The following SLC35F5 variants were observed in gnomAD, a reference collection of about 807,000 sequenced individuals.
SLC35F5 encodes solute carrier family 35 member F5.
A neutral mutation model predicts 68.6 loss-of-function variants in SLC35F5; 54 were observed. The ratio of observed to expected loss-of-function variants is 0.79; its 90% confidence interval spans 0.63 to 0.99. The LOEUF is 0.99. Ranked by LOEUF, SLC35F5 falls within the 50% of genes least tolerant of loss-of-function variation. The pLI, the probability that SLC35F5 is intolerant of heterozygous loss-of-function variation, is 0.00. For missense variants in SLC35F5, 567 were observed against 626.9 expected (o/e 0.90, Z 1.02); for synonymous variants, 211 against 205.2 (o/e 1.03, Z -0.24).
Position 113,717,867 on chromosome 2 carries a change from G to T in SLC35F5, c.1497-17C>A, listed in dbSNP as rs769477184. ...TCTGGAACTCTTAAGAAAAAAAAAA[G>T]CAGTAATTAAGGAAAGCTTTAGAGC... is the stretch of plus-strand genomic sequence containing the variant. On this transcript the variant is annotated splice_polypyrimidine_tract_variant and intron_variant, in intron 14 of 15. Coordinates refer to ENST00000245680, the MANE Select transcript of SLC35F5 (RefSeq NM_025181.5). 9.2e-6 allele frequency: 14 copies of T among 1,526,032 alleles called. No individual in the cohort carries two copies. Among genetic ancestry groups the T allele is most frequent in the Non-Finnish European group, 1.3e-5 (14 of 1,109,844 alleles). 94.5% of individuals were successfully genotyped at this position (1,526,032 alleles called of 1,614,324 possible).
chr2:113,747,284 CT>C (rs1676531192), intron 4 of SLC35F5, among the ~76,000 whole-genome samples: 1 of 110,176 alleles, frequency 9.1e-6, no homozygotes. Context: ...AAGATTCCGT[CT>C]CAAAAAAAAA....
intron 5 of SLC35F5, among the ~76,000 whole-genome samples, chr2:113,744,852 T>C (rs1676424554): frequency 6.6e-6 from 1 of 152,226 alleles, no homozygotes; most frequent in Non-Finnish European, 1.5e-5. Context: ...CTAACCATGC[T>C]CCAAAGGTCC....
At chr2:113,742,298 G>T in intron 7 of SLC35F5, 1 of 202,712 alleles carries the variant, frequency 4.9e-6, no homozygotes, top group Non-Finnish European at 9.9e-6. Flanking sequence ...ACACTTATTT[G>T]AAAAAAATCA....
rs1464336110 is a variant in SLC35F5, at chr2:113,717,804, T to C, written c.1543A>G (p.Ser515Gly). Reference sequence around the variant, plus strand: ...CTAGCTCCATCCTCCTGAGAAACACTGTGCATAGAAATGAGACTCTCACAC... The same window carrying C: ...CTAGCTCCATCCTCCTGAGAAACACCGTGCATAGAAATGAGACTCTCACAC... Reference protein sequence around the residue: ...EQCESLISMHSVSQEDGAS With the variant: ...EQCESLISMHGVSQEDGAS Residue 515 changes from serine to glycine, a missense_variant, in exon 15 of 16, where the codon AGT becomes GGT. Ser to Gly is a moderately conservative substitution (Grantham distance 56). Transcript: ENST00000245680. 9.3e-6 allele frequency: 15 copies of C among 1,613,388 alleles called. No homozygotes were observed. The highest frequency in any genetic ancestry group is 1.3e-5 in the Non-Finnish European group (15 of 1,179,768).
chr2:113,734,664 G>GT lies in SLC35F5; in HGVS notation c.841dup (p.Thr281AsnfsTer11). On this transcript the variant is annotated frameshift_variant, in exon 9 of 16. Coordinates refer to ENST00000245680, the MANE Select transcript of SLC35F5 (RefSeq NM_025181.5). LOFTEE classifies it high-confidence loss of function. ...TGGAAATACTGCAGCAAGGATTAAG[G>GT]TAAAAAGTCCTATGAGGAGAAAAGA... 1.3e-6 allele frequency: 2 copies of GT among 1,597,286 alleles called. No individual in the cohort carries two copies. Among genetic ancestry groups the GT allele is most frequent in the Non-Finnish European group, 8.6e-7 (1 of 1,168,176 alleles).
At chr2:113,733,983 T>C (rs781374394) in intron 9 of SLC35F5, among the ~76,000 whole-genome samples, 3 of 152,368 alleles carry the variant, frequency 2.0e-5, no homozygotes, top group Non-Finnish European at 4.4e-5. Context: ...GCTAGGTCTT[T>C]GATGACACAA....
chr2:113,756,034 C>T, intron 1 of SLC35F5: 1 of 1,480,900 alleles, frequency 6.8e-7, no homozygotes, highest in Non-Finnish European at 9.0e-7. Context: ...ATTCTCCATG[C>T]TCCTCCACCC....
chr2:113,742,822 G>C lies in SLC35F5; in HGVS notation c.620C>G (p.Ser207Ter). The change falls in exon 7 of 16, where the codon TCA (serine) becomes TGA (stop). Residue 207 changes from serine (S) to a stop codon, truncating the protein, a stop_gained. Transcript: ENST00000245680. LOFTEE classifies it high-confidence loss of function. ...SNIMEIRQLPSSHALEAKLSR... is the reference protein window; with the variant it reads ...SNIMEIRQLP ...CAACTTTGCTTCCAATGCATGACTT[G>C]ACGGAAGCTGTCGAATCTCCATGAT... 6.2e-7 allele frequency: 1 copy of C among 1,614,096 alleles called. No individual in the cohort carries two copies. The highest frequency in any genetic ancestry group is 8.5e-7 in the Non-Finnish European group (1 of 1,179,982).
At chr2:113,754,135 C>A (rs1173760291) in intron 3 of SLC35F5, among the ~76,000 whole-genome samples, 1 of 151,774 alleles carries the variant, frequency 6.6e-6, no homozygotes, top group Non-Finnish European at 1.5e-5. Context: ...ACTAAAAATA[C>A]AAAAATTAGC....
intron 6 of SLC35F5, among the ~76,000 whole-genome samples, chr2:113,743,100 A>T (rs1676350292): frequency 6.6e-6 from 1 of 152,238 alleles, no homozygotes; most frequent in Non-Finnish European, 1.5e-5. Context: ...AAAGGTTTAA[A>T]ATGAGACCAA....
Position 113,707,348 on chromosome 2 carries a change from T to C in SLC35F5, c.*7870A>G, listed in dbSNP as rs996287380. Among the ~76,000 whole-genome samples, 4 of 152,214 alleles carry C rather than the reference T, an allele frequency of 2.6e-5. No homozygotes were observed. Among genetic ancestry groups the C allele is most frequent in the Admixed American group, 2.0e-4 (3 of 15,280 alleles). On this transcript the variant is annotated 3_prime_UTR_variant, in exon 16 of 16. Transcript: ENST00000245680. ...ATCAGAATGATGCAATCTTGTCTTATATAAATATACAAATCACAGTATGCT... is the reference window on the plus strand; with the variant it reads ...ATCAGAATGATGCAATCTTGTCTTACATAAATATACAAATCACAGTATGCT...
chr2:113,716,774 CA>C (rs1687198344), intron 15 of SLC35F5, among the ~76,000 whole-genome samples: 1 of 152,072 alleles, frequency 6.6e-6, no homozygotes, highest in Non-Finnish European at 1.5e-5. Flanking sequence ...CTGCCTTGTA[CA>C]AAAAGTCTTG....
At chr2:113,749,016 G>T (rs1331201577) in intron 4 of SLC35F5, among the ~76,000 whole-genome samples, 1 of 152,110 alleles carries the variant, frequency 6.6e-6, no homozygotes, top group Non-Finnish European at 1.5e-5. Flanking sequence ...GTTGGCCAAG[G>T]ATGGTCTCGA....
chr2:113,747,931 CA>C (rs772863715), intron 4 of SLC35F5, among the ~76,000 whole-genome samples: 2 of 151,936 alleles, frequency 1.3e-5, no homozygotes, highest in Non-Finnish European at 2.9e-5. Context: ...GTCTCTACTA[CA>C]AATACAAAAA....
chr2:113,742,520 A>G, intron 7 of SLC35F5, 172 bp downstream of exon 7: 1 of 628,402 alleles, frequency 1.6e-6, no homozygotes, highest in Non-Finnish European at 2.8e-6. Flanking sequence ...AGGTATATCA[A>G]GCATTTATTA....
At chr2:113,744,019 A>T in intron 5 of SLC35F5, 1 of 351,828 alleles carries the variant, frequency 2.8e-6, no homozygotes, top group Non-Finnish European at 5.1e-6. Flanking sequence ...ATGTAACAGC[A>T]TTGGCATATT....
intron 1 of SLC35F5, 76 bp downstream of exon 1, chr2:113,756,294 G>C: frequency 6.5e-7 from 1 of 1,547,336 alleles, no homozygotes; most frequent in Non-Finnish European, 8.7e-7. Flanking sequence ...ACCGAGGGCA[G>C]GAGGTGGTGC....
At chr2:113,746,178 A>G in intron 5 of SLC35F5, 99 bp downstream of exon 5, 2 of 866,842 alleles carry the variant, frequency 2.3e-6, no homozygotes, top group Admixed American at 1.8e-5. Context: ...AGCCATATCT[A>G]TGTTGTAATA....
At chr2:113,705,047 A>G (rs955662264), downstream of SLC35F5, 2 of 152,236 alleles carry the variant, frequency 1.3e-5, no homozygotes, top group African/African-American at 4.8e-5. Context: ...TATAGAGAAC[A>G]CTAGACTGAC....
Sources: allele counts gnomAD v4.1 joint callset (sites outside exome capture counted in the v4.1 genomes callset), GRCh38; gene constraint gnomAD v4.1.1; transcripts MANE v1.5; gene names NCBI Gene and HGNC (gene_info 2026-07-23, HGNC 2026-07-21).